ABCF2: variants seen among roughly 807,000 people sequenced by gnomAD.
ABCF2 encodes the protein ATP binding cassette subfamily F member 2.
A neutral mutation model predicts 76.9 loss-of-function variants in ABCF2; 37 were observed. The ratio of observed to expected loss-of-function variants is 0.48; its 90% CI spans 0.37 to 0.63. The LOEUF is 0.63. Ranked by LOEUF, ABCF2 falls within the 30% of genes least tolerant of loss-of-function variation. The pLI is 0.00. For synonymous variants in ABCF2, 299 were observed against 283.7 expected (o/e 1.05, Z -0.54); for missense variants, 524 against 782.1 (o/e 0.67, Z 3.94).
chr7:151,224,712 A>G lies in ABCF2; in HGVS notation c.367+64T>C, dbSNP rs568270400. 7.3e-5 allele frequency: 105 copies of G among 1,447,766 alleles called. 1 individual carries two copies. The South Asian group carries it at 1.2e-3, about 16-fold the overall frequency. 89.7% of individuals were successfully genotyped at this position (1,447,766 alleles called of 1,614,324 possible). ...CTCTGAACACAGTTGATGCTAAATAAATGCTTGTGAGTGACAGATGAGCTA... is the reference window on the plus strand; with the variant it reads ...CTCTGAACACAGTTGATGCTAAATAGATGCTTGTGAGTGACAGATGAGCTA... On this transcript the variant is annotated intron_variant, in intron 3 of 14. Coordinates refer to ENST00000287844, the MANE Select transcript of ABCF2 (RefSeq NM_007189.3).
rs190663003 is a variant in ABCF2 at position 151,223,746 on chromosome 7, T to C, written c.654A>G (p.Thr218=). 1.9e-6 allele frequency: 3 copies of C among 1,613,478 alleles called. No individual in the cohort carries two copies. Among genetic ancestry groups the C allele is most frequent in the Non-Finnish European group, 2.5e-6 (3 of 1,179,660 alleles). The change falls in exon 5 of 15, where the codon ACA becomes ACG. Residue 218 remains threonine (T), a synonymous_variant. Coordinates refer to ENST00000287844, the MANE Select transcript of ABCF2 (RefSeq NM_007189.3). The stretch of plus-strand genomic sequence containing the variant: ...TTAGCTTCTTGCGCTGCATGGCAGG[T>C]GTGAAACCCAGTCCATGCAAGATCC... The part of the protein sequence containing the change: ...ASRILHGLGF[T]PAMQRKKLKD...
intron 6 of ABCF2, among the ~76,000 whole-genome samples, 181 bp downstream of exon 6, chr7:151,222,340 A>G (rs1480942069): frequency 1.3e-5 from 2 of 152,182 alleles, no homozygotes; most frequent in Non-Finnish European, 2.9e-5. Flanking sequence ...AAAAACAATC[A>G]AAATAAAAGG....
intron 7 of ABCF2, 54 bp downstream of exon 7, chr7:151,221,524 T>A: frequency 4.5e-6 from 5 of 1,106,524 alleles, no homozygotes; most frequent in Non-Finnish European, 6.6e-6. Flanking sequence ...TTAAAGAGAA[T>A]TTCAGAGAAT....
chr7:151,221,616 T>C lies in ABCF2; in HGVS notation c.883A>G (p.Ile295Val), dbSNP rs1440511376. The C allele has an allele frequency of 6.2e-7, 1 of 1,611,404 alleles. No homozygotes were observed. Among genetic ancestry groups the C allele is most frequent in the African/African-American group, 1.3e-5 (1 of 74,866 alleles). The change falls in exon 7 of 15, where the codon ATC becomes GTC. Residue 295 changes from isoleucine to valine, a missense_variant. Ile to Val is a conservative substitution (Grantham distance 29, BLOSUM62 3). This residue lies in a region of ABCF2 where 330 missense variants were observed against 433.6 expected (regional missense o/e 0.76). Coordinates refer to ENST00000287844, the MANE Select transcript of ABCF2 (RefSeq NM_007189.3). ...AGTTTCTTGTTGTGCATGTGAATGA[T>C]ATTGGTACAGACACCATTCAGAAAA... ...QDFLNGVCTN[I>V]IHMHNKKLKY...
chr7:151,223,343 G>C (rs1802309472), intron 5 of ABCF2, among the ~76,000 whole-genome samples: 1 of 152,128 alleles, frequency 6.6e-6, no homozygotes, highest in African/African-American at 2.4e-5. Flanking sequence ...TTTACAGCTG[G>C]AATTAGCAGG....
Position 151,213,803 on chromosome 7 carries a change from C to T in ABCF2, c.*251G>A. On this transcript the variant is annotated 3_prime_UTR_variant, in exon 15 of 15. Transcript: ENST00000287844. ...TCAGAGTAAGATAACCAGCAAGGGG[C>T]TGGAGGGAACGGCCAGCCGAGTCCA... 1.5e-6 allele frequency: 2 copies of T among 1,318,154 alleles called. No individual in the cohort carries two copies. Among genetic ancestry groups the T allele is most frequent in the Non-Finnish European group, 1.9e-6 (2 of 1,035,316 alleles). The allele number at this position is 1,318,154 out of a possible 1,614,324, so 81.7% of individuals were successfully genotyped here. A position where few individuals can be genotyped will look rare whatever the true frequency, so the allele number is the denominator to read the frequency against.
In ABCF2 at chr7:151,215,220, C is replaced by T. The variant is rs759244293; in HGVS notation, c.1531-138G>A. The T allele has an allele frequency of 1.2e-6, 1 of 842,532 alleles. No homozygotes were observed. The highest frequency in any genetic ancestry group is 1.9e-6 in the Non-Finnish European group (1 of 537,500). 52.2% of individuals were successfully genotyped at this position (842,532 alleles called of 1,614,324 possible). A position where few individuals can be genotyped will look rare whatever the true frequency, so the allele number is the denominator to read the frequency against. Reference sequence around the variant, plus strand: ...GTGAGGCTCAGAGAGACCCACTAGTCTCTTGAGGCCTGAAAGAGACTCATC... The same window carrying T: ...GTGAGGCTCAGAGAGACCCACTAGTTTCTTGAGGCCTGAAAGAGACTCATC... On this transcript the variant is annotated intron_variant, in intron 13 of 14. Transcript: ENST00000287844. This position sits in a 1 kb window ranked among gnomAD's most constrained non-coding sequence, Gnocchi z 4.6.
chr7:151,225,030 A>G, intron 2 of ABCF2, 42 bp from the exon 3 acceptor site: 1 of 1,577,570 alleles, frequency 6.3e-7, no homozygotes, highest in Non-Finnish European at 8.7e-7. Flanking sequence ...CGTGAGACAG[A>G]CTCGGCTCTC....
chr7:151,225,369 C>T (rs1303498966), intron 2 of ABCF2, among the ~76,000 whole-genome samples: 1 of 151,988 alleles, frequency 6.6e-6, no homozygotes, highest in African/African-American at 2.4e-5. Flanking sequence ...ACCTGAGAAG[C>T]AAGTCATAAA....
rs1045354052 is a variant in ABCF2, at chr7:151,211,692, C to T, written c.*2362G>A. The T allele has an allele frequency of 1.0e-6, 1 of 985,278 alleles. No homozygotes were observed. Among genetic ancestry groups the T allele is most frequent in the African/African-American group, 1.7e-5 (1 of 57,196 alleles). 61.0% of individuals were successfully genotyped at this position (985,278 alleles called of 1,614,324 possible). A position where few individuals can be genotyped will look rare whatever the true frequency, so the allele number is the denominator to read the frequency against. Reference sequence around the variant, plus strand: ...CTTCCTTAAGTATCAAGGGCTCTGTCCCTCACTGTCCCCATTATCCCAGCA... The same window carrying T: ...CTTCCTTAAGTATCAAGGGCTCTGTTCCTCACTGTCCCCATTATCCCAGCA... On this transcript the variant is annotated 3_prime_UTR_variant, in exon 15 of 15. Coordinates refer to ENST00000287844, the MANE Select transcript of ABCF2 (RefSeq NM_007189.3).
chr7:151,215,230 C>A lies in ABCF2; in HGVS notation c.1531-148G>T. On this transcript the variant is annotated intron_variant, in intron 13 of 14. Transcript: ENST00000287844. The surrounding 1 kb of genome is among the most constrained non-coding windows in gnomAD (Gnocchi z 4.6). ...GAGAGACCCACTAGTCTCTTGAGGC[C>A]TGAAAGAGACTCATCCGGAAACCTG... 1.3e-6 allele frequency: 1 copy of A among 785,276 alleles called. No homozygotes were observed. Among genetic ancestry groups the A allele is most frequent in the South Asian group, 1.8e-5 (1 of 56,236 alleles). The allele number at this position is 785,276 out of a possible 1,614,324, so 48.6% of individuals were successfully genotyped here.
intron 7 of ABCF2, 32 bp from the exon 8 acceptor site, chr7:151,219,191 G>C (rs936828652): frequency 2.7e-5 from 43 of 1,585,092 alleles, no homozygotes; most frequent in Non-Finnish European, 3.7e-5. Context: ...AAGGCAGGCA[G>C]CTTTAACCTG....
rs1326078773 is a variant in ABCF2 at position 151,223,934 on chromosome 7, T to C, written c.548A>G (p.Asp183Gly). ...TATGCCCAGGTCTGGAGCCCTACCA[T>C]CCTCATGAGCCAGCCGCTCTGCCTC... ...EKEAERLAHEDAECEKLMELY... is the reference protein window; with the variant it reads ...EKEAERLAHEGAECEKLMELY... Residue 183 changes from aspartate (D) to glycine (G), a missense_variant and splice_region_variant, in exon 4 of 15, where the codon GAT becomes GGT. By Grantham distance (94) the Asp-to-Gly change is moderately conservative (BLOSUM62 -1). This residue lies in a region of ABCF2 where 330 missense variants were observed against 433.6 expected (regional missense o/e 0.76). Transcript: ENST00000287844. The C allele has an allele frequency of 2.5e-6, 4 of 1,612,736 alleles. No individual in the cohort carries two copies. The highest frequency in any genetic ancestry group is 1.7e-5 in the Admixed American group (1 of 59,854).
chr7:151,223,100 C>T, intron 5 of ABCF2, among the ~76,000 whole-genome samples: 1 of 152,160 alleles, frequency 6.6e-6, no homozygotes, highest in East Asian at 1.9e-4. Context: ...CTAATCCTTG[C>T]TAGCATGTGG....
At chr7:151,222,412 C>A (rs1303631406) in intron 6 of ABCF2, 109 bp downstream of exon 6, 3 of 859,130 alleles carry the variant, frequency 3.5e-6, no homozygotes, top group Non-Finnish European at 5.6e-6. Context: ...TCTGTCCTTC[C>A]TTCAGTTCCT....
intron 10 of ABCF2, 113 bp downstream of exon 10, chr7:151,218,448 C>T: frequency 1.0e-6 from 1 of 974,088 alleles, no homozygotes; most frequent in Non-Finnish European, 1.5e-6. Flanking sequence ...CCTGAAAATC[C>T]CCCAGAGCAC....
In ABCF2 at chr7:151,219,135, T is replaced by G; in HGVS notation, c.946A>C (p.Thr316Pro). The G allele has an allele frequency of 1.2e-6, 2 of 1,614,012 alleles. No individual in the cohort carries two copies. Among genetic ancestry groups the G allele is most frequent in the Non-Finnish European group, 1.7e-6 (2 of 1,180,018 alleles). Residue 316 changes from threonine (T) to proline (P), a missense_variant, in exon 8 of 15, where the codon ACG becomes CCG. Physicochemically the swap from Thr to Pro is conservative, Grantham distance 38. This residue lies in a region of ABCF2 where 330 missense variants were observed against 433.6 expected (regional missense o/e 0.76). Coordinates refer to ENST00000287844, the MANE Select transcript of ABCF2 (RefSeq NM_007189.3). ...YTGNYDQYVK[T>P]RLELEENQMK... is the part of the protein sequence containing the mutation. ...TGGTTCTCCTCCAGCTCTAGCCGCG[T>G]CTTCACGTACTGATCATAATTACCC...
rs572783518 is a variant in ABCF2, at chr7:151,213,813, C to T, written c.*241G>A. ...ATAACCAGCAAGGGGCTGGAGGGAACGGCCAGCCGAGTCCAGACATGGACA... is the reference window on the plus strand; with the variant it reads ...ATAACCAGCAAGGGGCTGGAGGGAATGGCCAGCCGAGTCCAGACATGGACA... On this transcript the variant is annotated 3_prime_UTR_variant, in exon 15 of 15. Coordinates refer to ENST00000287844, the MANE Select transcript of ABCF2 (RefSeq NM_007189.3). 12 of 1,331,002 alleles carry T rather than the reference C, an allele frequency of 9.0e-6. No homozygotes were observed. The highest frequency in any genetic ancestry group is 5.6e-5 in the South Asian group (3 of 53,634). 82.4% of individuals were successfully genotyped at this position (1,331,002 alleles called of 1,614,324 possible).
At chr7:151,223,219 T>C (rs1489116590) in intron 5 of ABCF2, among the ~76,000 whole-genome samples, 1 of 152,166 alleles carries the variant, frequency 6.6e-6, no homozygotes, top group Non-Finnish European at 1.5e-5. Context: ...ATTACCTGTT[T>C]AGTGACTCTG....
Sources: allele counts gnomAD v4.1 joint callset (sites outside exome capture counted in the v4.1 genomes callset), GRCh38; gene constraint gnomAD v4.1.1; regional missense constraint gnomAD v4.1.1; non-coding constraint Gnocchi (gnomAD v3.1); transcripts MANE v1.5; gene names NCBI Gene and HGNC (gene_info 2026-07-23, HGNC 2026-07-21).